Variants in FSTL5 observed in about 807,000 individuals in gnomAD.
FSTL5 encodes follistatin like 5, also known as follistatin-related protein 5.
Under a neutral mutation model 89.1 loss-of-function variants are expected in FSTL5, and 62 were observed. That is an observed-to-expected ratio of 0.70 (90% confidence interval 0.57 to 0.86). FSTL5 has a LOEUF of 0.86. Among genes scored for constraint, FSTL5 ranks in the 40% least tolerant of loss-of-function variants. The pLI, the probability that FSTL5 is intolerant of heterozygous loss-of-function variation, is 0.00. For missense variants in FSTL5, 1,057 were observed against 1,001.6 expected, an observed-to-expected ratio of 1.06 and a Z score of -0.75; for synonymous variants, 383 against 346.2, an observed-to-expected ratio of 1.11 and a Z score of -1.18.
At chr4:161,500,667 T>A (rs989401174) in intron 11 of FSTL5, among the ~76,000 whole-genome samples, 3 of 152,194 alleles carry the variant, frequency 2.0e-5, no homozygotes, top group East Asian at 3.8e-4. Context: ...ATAGAGGTCT[T>A]ACATATTAGT....
chr4:161,666,346 A>G (rs1043784799), intron 6 of FSTL5, among the ~76,000 whole-genome samples: 5 of 152,194 alleles, frequency 3.3e-5, no homozygotes, highest in African/African-American at 1.2e-4. Context: ...ATTTAAGCCA[A>G]AACCCTTCAA....
intron 3 of FSTL5, among the ~76,000 whole-genome samples, chr4:161,970,968 A>C (rs1735466282): frequency 6.6e-6 from 1 of 152,070 alleles, no homozygotes; most frequent in Admixed American, 6.6e-5. Context: ...TCTTTATGTG[A>C]TATAACTACA....
chr4:161,663,369 G>T (rs1318055523), intron 6 of FSTL5, among the ~76,000 whole-genome samples: 4 of 152,110 alleles, frequency 2.6e-5, no homozygotes, highest in African/African-American at 9.7e-5. Context: ...ATACAATGTG[G>T]ATGCAGGTAT....
chr4:161,995,480 C>A (rs1445569514), intron 3 of FSTL5, among the ~76,000 whole-genome samples: 1 of 152,080 alleles, frequency 6.6e-6, no homozygotes, highest in Non-Finnish European at 1.5e-5. Flanking sequence ...CTTTGAGCGA[C>A]TGACCTTCTC....
intron 4 of FSTL5, among the ~76,000 whole-genome samples, chr4:161,878,483 G>A (rs1233775963): frequency 6.6e-6 from 1 of 151,902 alleles, no homozygotes; most frequent in African/African-American, 2.4e-5. Flanking sequence ...GATGATTATA[G>A]GACCTACTGA....
intron 8 of FSTL5, among the ~76,000 whole-genome samples, chr4:161,554,792 A>T (rs1190838963): frequency 6.6e-6 from 1 of 151,722 alleles, no homozygotes; most frequent in Non-Finnish European, 1.5e-5. Context: ...ATGTCTCTGA[A>T]GTAGTGCTGA....
At chr4:161,620,681 A>C (rs895762541) in intron 7 of FSTL5, among the ~76,000 whole-genome samples, 5 of 152,258 alleles carry the variant, frequency 3.3e-5, no homozygotes, top group African/African-American at 9.6e-5. Context: ...AAACAAAAAC[A>C]AAAAAGTGCT....
At chr4:161,788,477 C>A (rs1018683591) in intron 4 of FSTL5, among the ~76,000 whole-genome samples, 4 of 152,190 alleles carry the variant, frequency 2.6e-5, no homozygotes, top group African/African-American at 7.2e-5. Flanking sequence ...ATCAGCTCAA[C>A]TTTTAAAGGA....
intron 2 of FSTL5, among the ~76,000 whole-genome samples, chr4:162,056,232 T>C (rs1316523552): frequency 1.3e-5 from 2 of 151,924 alleles, no homozygotes; most frequent in Non-Finnish European, 2.9e-5. Context: ...AAGAATCCAA[T>C]GGTAACAAAA....
At chr4:162,156,778 C>CT (rs1009492298) in intron 1 of FSTL5, among the ~76,000 whole-genome samples, 2 of 152,072 alleles carry the variant, frequency 1.3e-5, no homozygotes, top group African/African-American at 4.8e-5. Flanking sequence ...GGCTGAAAAA[C>CT]TAATTATTGG....
intron 4 of FSTL5, among the ~76,000 whole-genome samples, chr4:161,817,858 T>C (rs1312764129): frequency 6.6e-6 from 1 of 152,172 alleles, no homozygotes; most frequent in Admixed American, 6.5e-5. Flanking sequence ...TATATAGAAG[T>C]ACTGGGAAGG....
intron 3 of FSTL5, among the ~76,000 whole-genome samples, chr4:162,009,010 T>G (rs1390056688): frequency 6.6e-6 from 1 of 152,060 alleles, no homozygotes; most frequent in Non-Finnish European, 1.5e-5. Context: ...AAATTAATCT[T>G]TGATTGACAT....
At chr4:162,145,941 T>C (rs1456640451) in intron 1 of FSTL5, among the ~76,000 whole-genome samples, 2 of 152,200 alleles carry the variant, frequency 1.3e-5, no homozygotes, top group Non-Finnish European at 2.9e-5. Flanking sequence ...GTTTTTCACT[T>C]AATCTCTGTG....
intron 4 of FSTL5, among the ~76,000 whole-genome samples, chr4:161,862,049 T>G (rs1731934078): frequency 1.3e-5 from 2 of 152,236 alleles, no homozygotes; most frequent in Admixed American, 1.3e-4. Flanking sequence ...GGGAATGAAT[T>G]CTTTATGCAA....
chr4:161,487,941 A>T (rs1328160806), intron 12 of FSTL5, among the ~76,000 whole-genome samples: 3 of 152,118 alleles, frequency 2.0e-5, no homozygotes, highest in Non-Finnish European at 4.4e-5. Context: ...ATATATTTAC[A>T]GTCATGTAGA....
intron 15 of FSTL5, among the ~76,000 whole-genome samples, chr4:161,414,330 G>A (rs1731701361): frequency 1.3e-5 from 2 of 152,042 alleles, no homozygotes; most frequent in African/African-American, 4.8e-5. Context: ...TTAATTAACA[G>A]ATTGAAAAAC....
intron 6 of FSTL5, among the ~76,000 whole-genome samples, chr4:161,703,947 A>AT (rs917198613): frequency 1.4e-4 from 22 of 152,212 alleles, no homozygotes; most frequent in Admixed American, 1.2e-3. Context: ...CCAACATATA[A>AT]TTTTTAAGCA....
At chr4:161,723,655 G>GTC in intron 6 of FSTL5, among the ~76,000 whole-genome samples, 1 of 152,220 alleles carries the variant, frequency 6.6e-6, no homozygotes, top group East Asian at 1.9e-4. Context: ...AGCAAACTGA[G>GTC]AAGTATGCTT....
rs766003715 is a variant in FSTL5 at position 161,776,125 on chromosome 4, G to C, written c.410-51C>G. On this transcript the variant is annotated intron_variant, in intron 4 of 15. Coordinates refer to ENST00000306100, the MANE Select transcript of FSTL5 (RefSeq NM_020116.5). ...CAAGCAATATTATTGAAAAGAAATA[G>C]TTTATTTAATTAAGGTTTAGAAGTT... is the stretch of plus-strand genomic sequence containing the variant. 1.4e-5 allele frequency: 13 copies of C among 919,428 alleles called. No individual in the cohort carries two copies. In the East Asian group the frequency reaches 3.3e-4, roughly 23 times the overall value. The allele number at this position is 919,428 out of a possible 1,614,324, so 57.0% of individuals were successfully genotyped here.
Sources: allele counts gnomAD v4.1 joint callset (sites outside exome capture counted in the v4.1 genomes callset), GRCh38; gene constraint gnomAD v4.1.1; transcripts MANE v1.5; gene names NCBI Gene and HGNC (gene_info 2026-07-23, HGNC 2026-07-21).